Variants in MEI1 observed in about 807,000 individuals in gnomAD.
MEI1 encodes the protein meiosis inhibitor protein 1.
In MEI1, 103 loss-of-function variants were observed where a neutral mutation model predicts 146.2. That is an observed-to-expected ratio of 0.70 (90% CI 0.60 to 0.83). MEI1 has a LOEUF of 0.83. Among genes scored for constraint, MEI1 ranks in the 40% least tolerant of loss-of-function variants. The pLI, the probability that MEI1 is intolerant of heterozygous loss-of-function variation, is 0.00. For synonymous variants in MEI1, 652 were observed against 628.2 expected (o/e 1.04, Z -0.57); for missense variants, 1,529 against 1,533.0 (o/e 1.00, Z 0.04).
intron 11 of MEI1, among the ~76,000 whole-genome samples, chr22:41,735,106 C>T (rs898167814): frequency 4.6e-5 from 7 of 151,402 alleles, no homozygotes; most frequent in East Asian, 1.9e-4. Flanking sequence ...GGACTACAGG[C>T]GCGCGCCACC....
At chr22:41,799,116 T>G in intron 30 of MEI1, 138 bp from the exon 31 acceptor site, 1 of 726,374 alleles carries the variant, frequency 1.4e-6, no homozygotes, top group Non-Finnish European at 2.3e-6. Context: ...AGGACCCAAT[T>G]TCAGAATCCA....
rs186394576 is a variant in MEI1 at position 41,735,111 on chromosome 22, G to A, written c.1331+2508G>A. On this transcript the variant is annotated intron_variant, in intron 11 of 30. Transcript: ENST00000401548. ...CTAGTAGCTGGGACTACAGGCGCGC[G>A]CCACCACACCTGGCTAATTTTTTTG... 3.3e-3 allele frequency among the ~76,000 whole-genome samples: 497 copies of A among 150,982 alleles called. 2 individuals carry two copies. The highest frequency in any genetic ancestry group is 5.2e-3 in the Non-Finnish European group (354 of 67,848).
intron 18 of MEI1, among the ~76,000 whole-genome samples, chr22:41,762,313 C>T (rs1348623971): frequency 6.6e-6 from 1 of 150,480 alleles, no homozygotes; most frequent in Non-Finnish European, 1.5e-5. Context: ...CCCCTCCCTT[C>T]ACCTCCCTTC....
At chr22:41,792,318 G>A (rs1439649028) in intron 26 of MEI1, among the ~76,000 whole-genome samples, 2 of 152,136 alleles carry the variant, frequency 1.3e-5, no homozygotes, top group Non-Finnish European at 2.9e-5. Flanking sequence ...CAGCAGTTGG[G>A]TGGCCCAGTG....
chr22:41,797,565 T>C (rs192993243), intron 30 of MEI1, among the ~76,000 whole-genome samples: 4 of 152,106 alleles, frequency 2.6e-5, no homozygotes, highest in Admixed American at 2.6e-4. Flanking sequence ...TCAGCTAAGA[T>C]TGCACCACTG....
At chr22:41,734,190 T>G (rs2072119721) in intron 11 of MEI1, among the ~76,000 whole-genome samples, 1 of 152,016 alleles carries the variant, frequency 6.6e-6, no homozygotes, top group East Asian at 1.9e-4. Context: ...ATAGGTTATA[T>G]GCAAATACTA....
intron 15 of MEI1, 99 bp from the exon 16 acceptor site, chr22:41,752,491 TA>T: frequency 9.1e-7 from 1 of 1,095,196 alleles, no homozygotes; most frequent in Non-Finnish European, 1.4e-6. Flanking sequence ...CAAGTCTGTG[TA>T]ACTCTGAAAC....
At chr22:41,752,434 CTT>C (rs1261507407) in intron 15 of MEI1, 155 bp from the exon 16 acceptor site, 1 of 659,132 alleles carries the variant, frequency 1.5e-6, no homozygotes, top group African/African-American at 1.8e-5. Context: ...AGTTAAAAAA[CTT>C]TTCCGGAGTG....
chr22:41,765,496 A>G (rs2147999607), intron 19 of MEI1, among the ~76,000 whole-genome samples: 1 of 152,238 alleles, frequency 6.6e-6, no homozygotes, highest in East Asian at 1.9e-4. Flanking sequence ...ATAAGATAAA[A>G]TTTAGTATAA....
At chr22:41,715,913 A>T (rs116967103) in intron 4 of MEI1, 128 bp from the exon 5 acceptor site, 10,819 of 664,942 alleles carry the variant, frequency 0.016, 121 homozygotes, top group Non-Finnish European at 0.022. Flanking sequence ...AAGCTAAAAA[A>T]GCTGATTGCT....
At chr22:41,711,534 A>G (rs918252470) in intron 3 of MEI1, among the ~76,000 whole-genome samples, 6 of 152,206 alleles carry the variant, frequency 3.9e-5, no homozygotes, top group African/African-American at 1.4e-4. Context: ...GAACCATCAG[A>G]CCTCAGGAAC....
Position 41,703,349 on chromosome 22 carries a change from ATGT to A in MEI1, c.197_199del (p.Leu66del), listed in dbSNP as rs775036570. The A allele has an allele frequency of 3.1e-6, 5 of 1,612,794 alleles. No homozygotes were observed. In the East Asian group the frequency reaches 6.7e-5, roughly 22 times the overall value. ...CTTCAAGTTAGTGCGCAAGAAGCACATGTTGTCCTGCTTCCAAGATGCCCTTGT... is the reference window on the plus strand; with the variant it reads ...CTTCAAGTTAGTGCGCAAGAAGCACATGTCCTGCTTCCAAGATGCCCTTGT... On this transcript the variant is annotated inframe_deletion, in exon 2 of 31. Transcript: ENST00000401548.
Position 41,763,225 on chromosome 22 carries a change from G to A in MEI1, c.2172G>A (p.Ser724=), listed in dbSNP as rs2050033. 1 of 1,613,822 alleles carries A rather than the reference G, an allele frequency of 6.2e-7. No individual in the cohort carries two copies. ...LFEAVQSFLL[S]LQDQGERPPL... Reference sequence around the variant, plus strand: ...AGGCTGTGCAAAGCTTCCTCCTGTCGCTGCAGGACCAGGGCGAGCGCCCCC... The same window carrying A: ...AGGCTGTGCAAAGCTTCCTCCTGTCACTGCAGGACCAGGGCGAGCGCCCCC... Residue 724 remains serine (S), a synonymous_variant, in exon 19 of 31, where the codon TCG becomes TCA. Transcript: ENST00000401548.
chr22:41,730,849 T>C (rs2071794032), intron 9 of MEI1, among the ~76,000 whole-genome samples: 1 of 152,154 alleles, frequency 6.6e-6, no homozygotes, highest in South Asian at 2.1e-4. Flanking sequence ...TATATATGTT[T>C]AGACGCTTCA....
At chr22:41,757,212 A>G (rs2074152210) in intron 17 of MEI1, among the ~76,000 whole-genome samples, 1 of 152,222 alleles carries the variant, frequency 6.6e-6, no homozygotes, top group Non-Finnish European at 1.5e-5. Flanking sequence ...CTCCTGCCTC[A>G]GCCTCCCAAG....
chr22:41,739,723 G>T (rs1350672512), intron 11 of MEI1, among the ~76,000 whole-genome samples: 2 of 152,082 alleles, frequency 1.3e-5, no homozygotes, highest in Non-Finnish European at 2.9e-5. Context: ...TCAATCAGAG[G>T]CATCTATGCT....
chr22:41,778,830 G>A lies in MEI1; in HGVS notation c.2815+18G>A. 4 of 1,577,428 alleles carry A rather than the reference G, an allele frequency of 2.5e-6. No individual in the cohort carries two copies. The highest frequency in any genetic ancestry group is 3.5e-6 in the Non-Finnish European group (4 of 1,158,452). ...TCACCAAGGTGCCCTGGCTGCTTGGGATAGCGCCCAAGGGCCCAGGGCTGG... is the reference window on the plus strand; with the variant it reads ...TCACCAAGGTGCCCTGGCTGCTTGGAATAGCGCCCAAGGGCCCAGGGCTGG... On this transcript the variant is annotated intron_variant, in intron 22 of 30. Coordinates refer to ENST00000401548, the MANE Select transcript of MEI1 (RefSeq NM_152513.4).
In MEI1 at chr22:41,730,561, C is replaced by T. The variant is rs755865001; in HGVS notation, c.1020C>T (p.Leu340=). 40 of 1,613,654 alleles carry T rather than the reference C, an allele frequency of 2.5e-5. No homozygotes were observed. The highest frequency in any genetic ancestry group is 6.6e-5 in the South Asian group (6 of 91,066). ...FEHLSSSSEV[L]VWSSCNCLTL... is the part of the protein sequence containing the mutation. The stretch of plus-strand genomic sequence containing the variant: ...ATCTTTCTTCTTCCAGTGAAGTGCT[C>T]GTCTGGTCCAGCTGTAACTGCTTGA... The change falls in exon 9 of 31, where the codon CTC becomes CTT. Residue 340 remains leucine (L), a synonymous_variant. Transcript: ENST00000401548.
chr22:41,722,689 C>T lies in MEI1; in HGVS notation c.734-1254C>T, dbSNP rs1368314031. ...AGTTGGCTCACATCCAACTTCTCATCCTTCAAGATTTGGTTCAAATATCTT... is the reference window on the plus strand; with the variant it reads ...AGTTGGCTCACATCCAACTTCTCATTCTTCAAGATTTGGTTCAAATATCTT... On this transcript the variant is annotated intron_variant, in intron 6 of 30. Transcript: ENST00000401548. Among the ~76,000 whole-genome samples the T allele has an allele frequency of 2.6e-5, 4 of 152,196 alleles. No individual in the cohort carries two copies. In the East Asian group the frequency reaches 7.7e-4, roughly 29 times the overall value.
Sources: gnomAD v4.1 joint callset for allele counts (sites outside exome capture counted in the v4.1 genomes callset) on GRCh38, gnomAD v4.1.1 for gene constraint, MANE v1.5 for transcripts, NCBI Gene and HGNC (gene_info 2026-07-23, HGNC 2026-07-21) for gene names.